The following MCF2L variants were observed in gnomAD, a reference collection of about 807,000 sequenced individuals.
The protein encoded by MCF2L is MCF.2 cell line derived transforming sequence like, also known as guanine nucleotide exchange factor DBS.
MCF2L carries 97 observed loss-of-function variants against 153.4 expected under a neutral mutation model. The ratio of observed to expected loss-of-function variants is 0.63; its 90% CI spans 0.54 to 0.75. MCF2L has a LOEUF of 0.75. Among genes scored for constraint, MCF2L ranks in the 30% least tolerant of loss-of-function variants. MCF2L has a pLI of 0.00. For missense variants in MCF2L, 1,347 were observed against 1,495.2 expected, an observed-to-expected ratio of 0.90 and a Z score of 1.64; for synonymous variants, 659 against 632.2, an observed-to-expected ratio of 1.04 and a Z score of -0.64.
At chr13:113,005,002 G>T (rs955718143) in intron 1 of MCF2L, among the ~76,000 whole-genome samples, 3 of 152,222 alleles carry the variant, frequency 2.0e-5, no homozygotes, top group Non-Finnish European at 2.9e-5. Context: ...CCCACTGTGG[G>T]TGGGTATCGG....
chr13:112,932,945 T>G lies in MCF2L; in HGVS notation c.169+30574T>G, dbSNP rs1242950695. 6.6e-6 allele frequency among the ~76,000 whole-genome samples: 1 copy of G among 152,132 alleles called. No individual in the cohort carries two copies. Among genetic ancestry groups the G allele is most frequent in the African/African-American group, 2.4e-5 (1 of 41,426 alleles). ...ACCCAGGAGGCTGAGACAGGAGAAT[T>G]GCTTGAACGCAGGAGGTGGAGATTT... is the stretch of plus-strand genomic sequence containing the variant. On this transcript the variant is annotated intron_variant, in intron 2 of 29. Coordinates refer to the MCF2L transcript ENST00000375608. The surrounding 1 kb of genome is among the most constrained non-coding windows in gnomAD (Gnocchi z 4.6).
At chr13:113,039,498 T>G (rs2086350159) in intron 3 of MCF2L, among the ~76,000 whole-genome samples, 1 of 152,214 alleles carries the variant, frequency 6.6e-6, no homozygotes, top group African/African-American at 2.4e-5. Context: ...GTTACTCTTT[T>G]CATCAAAATG....
intron 2 of MCF2L, among the ~76,000 whole-genome samples, chr13:112,928,143 A>G (rs1422414417): frequency 6.6e-6 from 1 of 152,238 alleles, no homozygotes; most frequent in East Asian, 1.9e-4. Flanking sequence ...ACGTGTTAAC[A>G]GTTCTGTGCT....
In MCF2L at chr13:113,088,642, C is replaced by A; in HGVS notation, c.2834+14C>A. 6.2e-7 allele frequency: 1 copy of A among 1,602,992 alleles called. No homozygotes were observed. The highest frequency in any genetic ancestry group is 8.5e-7 in the Non-Finnish European group (1 of 1,179,086). On this transcript the variant is annotated intron_variant, in intron 25 of 29. Transcript: ENST00000535094. ...GACCAGCACCAGGTGAGAATGGACA[C>A]GCTGCCGCAGGCCTGCGTTTCTGGA...
intron 2 of MCF2L, among the ~76,000 whole-genome samples, chr13:112,926,546 G>T (rs1460872572): frequency 6.6e-6 from 1 of 152,206 alleles, no homozygotes; most frequent in Non-Finnish European, 1.5e-5. Flanking sequence ...CATGCACAGG[G>T]GGGTGCTGTG....
chr13:112,994,578 C>T (rs1165517612), intron 1 of MCF2L, among the ~76,000 whole-genome samples: 1 of 152,224 alleles, frequency 6.6e-6, no homozygotes, highest in African/African-American at 2.4e-5. Context: ...CGTTTCTTCC[C>T]GCTGGTCAGG....
intron 1 of MCF2L, among the ~76,000 whole-genome samples, chr13:112,900,828 T>C (rs1417230463): frequency 2.0e-5 from 3 of 151,906 alleles, no homozygotes. Flanking sequence ...GGGCCGGGCA[T>C]TGGTGTTTGC....
Position 113,064,824 on chromosome 13 carries a change from G to T in MCF2L, c.607-112G>T, listed in dbSNP as rs953760442. ...GCGTTCACCGTCTTTGCGTCAGCCG[G>T]TCTCACCTGATGGGTCTGTGTGGGA... On this transcript the variant is annotated intron_variant, in intron 6 of 29. Coordinates refer to ENST00000535094, the MANE Select transcript of MCF2L (RefSeq NM_001112732.3). The surrounding 1 kb of genome is among the most constrained non-coding windows in gnomAD (Gnocchi z 6.0). 3 of 1,243,034 alleles carry T rather than the reference G, an allele frequency of 2.4e-6. No homozygotes were observed. The highest frequency in any genetic ancestry group is 1.5e-5 in the South Asian group (1 of 67,560). 77.0% of individuals were successfully genotyped at this position (1,243,034 alleles called of 1,614,324 possible). A position where few individuals can be genotyped will look rare whatever the true frequency, so the allele number is the denominator to read the frequency against.
chr13:113,088,319 G>A lies in MCF2L; in HGVS notation c.2689-8G>A, dbSNP rs1375916540. On this transcript the variant is annotated splice_region_variant and splice_polypyrimidine_tract_variant and intron_variant, in intron 23 of 29. Transcript: ENST00000535094. Reference sequence around the variant, plus strand: ...ACTCACCTCCTGGCGTTTCTTTTGGGGAAACAGGCGCCAACTCCTGAGATT... The same window carrying A: ...ACTCACCTCCTGGCGTTTCTTTTGGAGAAACAGGCGCCAACTCCTGAGATT... 1 of 1,613,646 alleles carries A rather than the reference G, an allele frequency of 6.2e-7. No individual in the cohort carries two copies. Among genetic ancestry groups the A allele is most frequent in the Non-Finnish European group, 8.5e-7 (1 of 1,179,740 alleles).
rs374271634 is a variant in MCF2L, at chr13:113,035,591, G to A, written c.279-9680G>A. ...CTGCCTTTTTCTTCCATGAGGATGC[G>A]GTTCCCGTGTCCCCCAGGACAGCTT... On this transcript the variant is annotated intron_variant, in intron 3 of 29. Transcript: ENST00000535094. This position sits in a 1 kb window ranked among gnomAD's most constrained non-coding sequence, Gnocchi z 4.4. 1.1e-4 allele frequency among the ~76,000 whole-genome samples: 16 copies of A among 152,272 alleles called. No individual in the cohort carries two copies. Among genetic ancestry groups the A allele is most frequent in the South Asian group, 2.1e-4 (1 of 4,824 alleles).
At chr13:113,088,210 G>C in intron 23 of MCF2L, 117 bp from the exon 24 acceptor site, 1 of 904,158 alleles carries the variant, frequency 1.1e-6, no homozygotes, top group Non-Finnish European at 1.8e-6. Flanking sequence ...CCCCTCACAC[G>C]CAGCCACCTG....
At chr13:113,057,081 TGGTGCTGAGTGTTTG>T (rs2030083873) in intron 4 of MCF2L, among the ~76,000 whole-genome samples, 1 of 84,106 alleles carries the variant, frequency 1.2e-5, no homozygotes, top group Non-Finnish European at 2.4e-5. Flanking sequence ...CTGAGTGTTT[TGGTGCTGAGTGTTTG>T]GGTGCTGTGT....
chr13:112,956,830 G>A (rs901774279), intron 2 of MCF2L: 1 of 152,274 alleles, frequency 6.6e-6, no homozygotes, highest in East Asian at 1.9e-4. Context: ...CGGGACACAC[G>A]ATGAGGTTTT....
At chr13:112,911,042 C>T (rs1453726645) in intron 2 of MCF2L, among the ~76,000 whole-genome samples, 1 of 152,176 alleles carries the variant, frequency 6.6e-6, no homozygotes, top group Admixed American at 6.5e-5. Context: ...CTCTCTCGCC[C>T]CTGCCCTGGG....
At chr13:112,912,873 CTGTG>C (rs1162303095) in intron 2 of MCF2L, among the ~76,000 whole-genome samples, 4 of 133,496 alleles carry the variant, frequency 3.0e-5, no homozygotes, top group Admixed American at 1.5e-4. Context: ...TGGGGTGTGT[CTGTG>C]TGTGATTGTG....
intron 1 of MCF2L, among the ~76,000 whole-genome samples, chr13:112,895,321 G>T (rs914908671): frequency 6.6e-6 from 1 of 152,158 alleles, no homozygotes. Flanking sequence ...GGCCCGGGCC[G>T]CCCAGGCAGG....
chr13:112,994,266 T>C (rs1442300085), intron 1 of MCF2L, among the ~76,000 whole-genome samples: 1 of 148,214 alleles, frequency 6.7e-6, no homozygotes, highest in East Asian at 2.0e-4. Flanking sequence ...GGGCAGGGGC[T>C]GGCGTGGCTG....
chr13:113,095,019 A>G (rs757302205), intron 27 of MCF2L: 15 of 1,374,950 alleles, frequency 1.1e-5, no homozygotes, highest in Middle Eastern at 2.1e-4. Flanking sequence ...CCTTCCTCAG[A>G]GGAGACAGTC....
At position 112,969,703 on chromosome 13, in the gene MCF2L, C is replaced by G. The variant is rs1042791289; in HGVS notation, c.79+245C>G. On this transcript the variant is annotated intron_variant, in intron 1 of 29. Coordinates refer to ENST00000535094, the MANE Select transcript of MCF2L (RefSeq NM_001112732.3). This position sits in a 1 kb window ranked among gnomAD's most constrained non-coding sequence, Gnocchi z 4.8. ...ACTGGCTCTCTCAGGGTTGCTGGGT[C>G]TGCATGCGGAGCCATTTGTGTGTCT... Among the ~76,000 whole-genome samples the G allele has an allele frequency of 3.3e-5, 5 of 152,172 alleles. No homozygotes were observed. Among genetic ancestry groups the G allele is most frequent in the African/African-American group, 1.2e-4 (5 of 41,434 alleles).
Sources: gnomAD v4.1 joint callset for allele counts (sites outside exome capture counted in the v4.1 genomes callset) on GRCh38, gnomAD v4.1.1 for gene constraint, Gnocchi (gnomAD v3.1) non-coding constraint, MANE v1.5 for transcripts, NCBI Gene and HGNC (gene_info 2026-07-23, HGNC 2026-07-21) for gene names.